RYR3: variants seen among roughly 807,000 people sequenced by gnomAD.
RYR3 encodes brain ryanodine receptor-calcium release channel.
A neutral mutation model predicts 584.3 loss-of-function variants in RYR3; 207 were observed. The ratio of observed to expected loss-of-function variants is 0.35; its 90% confidence interval spans 0.32 to 0.40. The LOEUF is 0.40. Ranked by LOEUF, RYR3 falls within the 10% of genes least tolerant of loss-of-function variation. The probability of loss-of-function intolerance (pLI) is 1.00; values close to 1 mark genes in which losing one functional copy is unlikely to be tolerated. For missense variants in RYR3, 5,616 were observed against 6,089.2 expected (o/e 0.92, Z 2.59); for synonymous variants, 2,416 against 2,248.5 (o/e 1.07, Z -2.11).
intron 2 of RYR3, among the ~76,000 whole-genome samples, chr15:33,490,862 C>T (rs892543573): frequency 3.9e-5 from 6 of 151,970 alleles, no homozygotes; most frequent in East Asian, 1.9e-4. Flanking sequence ...TTGCTCACTA[C>T]TCAATTTCCT....
At chr15:33,484,634 C>CAG (rs67358459) in intron 2 of RYR3, among the ~76,000 whole-genome samples, 67,298 of 151,610 alleles carry the variant, frequency 0.44, 15,709 homozygotes, top group Non-Finnish European at 0.52. Flanking sequence ...GTATGGGTAA[C>CAG]AATTCATGGA....
chr15:33,826,964 A>G (rs1274077430), intron 84 of RYR3, among the ~76,000 whole-genome samples: 1 of 152,214 alleles, frequency 6.6e-6, no homozygotes, highest in South Asian at 2.1e-4. Flanking sequence ...AGAAATCTAA[A>G]TACCCAGCCC....
intron 1 of RYR3, among the ~76,000 whole-genome samples, chr15:33,388,219 T>A (rs2041759787): frequency 6.6e-6 from 1 of 152,184 alleles, no homozygotes; most frequent in South Asian, 2.1e-4. Flanking sequence ...AAACTTTAAG[T>A]TTTTGAGTGA....
chr15:33,717,314 A>C (rs1114989), intron 43 of RYR3, among the ~76,000 whole-genome samples: 25,918 of 152,074 alleles, frequency 0.17, 2,493 homozygotes, highest in Admixed American at 0.27. Flanking sequence ...AATTTTGTAC[A>C]TCTTAAAGCT....
chr15:33,763,454 A>G (rs1047350335), intron 60 of RYR3, among the ~76,000 whole-genome samples: 3 of 152,182 alleles, frequency 2.0e-5, no homozygotes, highest in Non-Finnish European at 2.9e-5. Context: ...ACGGGGGTGA[A>G]GGATATGAAC....
chr15:33,639,556 C>T (rs1434470430), intron 27 of RYR3, among the ~76,000 whole-genome samples: 1 of 152,252 alleles, frequency 6.6e-6, no homozygotes. Flanking sequence ...TAGCGCCTAC[C>T]TCCCCCCACC....
At chr15:33,376,616 A>T (rs1310889498) in intron 1 of RYR3, among the ~76,000 whole-genome samples, 2 of 152,202 alleles carry the variant, frequency 1.3e-5, no homozygotes, top group African/African-American at 4.8e-5. Flanking sequence ...TTGCGACTAT[A>T]ACAGCCAACA....
At chr15:33,564,624 G>T (rs944550055) in intron 11 of RYR3, among the ~76,000 whole-genome samples, 1 of 152,088 alleles carries the variant, frequency 6.6e-6, no homozygotes, top group African/African-American at 2.4e-5. Flanking sequence ...CTAAGGCAAT[G>T]GCAGCATTTA....
In RYR3 at chr15:33,580,132, T is replaced by C. The variant is rs746963664; in HGVS notation, c.1425T>C (p.Leu475=). 1 of 1,605,606 alleles carries C rather than the reference T, an allele frequency of 6.2e-7. No individual in the cohort carries two copies. The highest frequency in any genetic ancestry group is 1.1e-5 in the South Asian group (1 of 89,628). Reference sequence around the variant, plus strand: ...GCTCACTCAAAAACAGACAAAATCTTTTCAAGGAAGAGGTAAGTCGAAAAA... The same window carrying C: ...GCTCACTCAAAAACAGACAAAATCTCTTCAAGGAAGAGGTAAGTCGAAAAA... ...KLRSLKNRQN[L]FKEEGMLALV... Residue 475 remains leucine, a synonymous_variant, in exon 13 of 104, where the codon CTT becomes CTC. Transcript: ENST00000634891.
intron 3 of RYR3, among the ~76,000 whole-genome samples, chr15:33,508,452 A>G (rs1178367112): frequency 1.3e-5 from 2 of 152,062 alleles, no homozygotes; most frequent in Non-Finnish European, 2.9e-5. Context: ...GATCGAGACC[A>G]TCCTGGCTAA....
chr15:33,525,652 G>A (rs749142129), intron 3 of RYR3, among the ~76,000 whole-genome samples: 6 of 152,136 alleles, frequency 3.9e-5, no homozygotes, highest in Non-Finnish European at 7.4e-5. Context: ...ACATTTTGTG[G>A]AAATCATGAG....
chr15:33,671,819 T>C (rs1417646656), intron 38 of RYR3, among the ~76,000 whole-genome samples: 5 of 143,098 alleles, frequency 3.5e-5, no homozygotes, highest in East Asian at 2.0e-4. Context: ...TTTTTTTTTT[T>C]TTTTTTTTTT....
At chr15:33,573,121 C>G (rs1483089031) in intron 12 of RYR3, among the ~76,000 whole-genome samples, 1 of 86,576 alleles carries the variant, frequency 1.2e-5, no homozygotes, top group Admixed American at 1.5e-4. Flanking sequence ...ATTTACTGAG[C>G]TCTTTATTCA....
chr15:33,563,423 C>T (rs190109214), intron 11 of RYR3, among the ~76,000 whole-genome samples: 5 of 152,220 alleles, frequency 3.3e-5, no homozygotes, highest in African/African-American at 9.6e-5. Context: ...ATAACAAGCC[C>T]GCAGGAACCC....
chr15:33,329,894 C>T (rs1970173782), intron 1 of RYR3, among the ~76,000 whole-genome samples: 1 of 152,064 alleles, frequency 6.6e-6, no homozygotes, highest in South Asian at 2.1e-4. Context: ...AGATAGTCAT[C>T]AAAATACAGG....
At chr15:33,608,067 T>G (rs1438925960) in intron 18 of RYR3, among the ~76,000 whole-genome samples, 1 of 152,212 alleles carries the variant, frequency 6.6e-6, no homozygotes, top group Non-Finnish European at 1.5e-5. Flanking sequence ...AACTGCCTCT[T>G]AAGTGGTACA....
rs191208261 is a variant in RYR3 at position 33,460,124 on chromosome 15, C to A, written c.52-13295C>A. ...TGCTCCAGAAATTTTAATGGCAGGG[C>A]ATATGGTCAGAAGGTCAGCAGAGTG... On this transcript the variant is annotated intron_variant, in intron 1 of 103. Transcript: ENST00000634891. Among the ~76,000 whole-genome samples the A allele has an allele frequency of 7.3e-3, 1,111 of 152,202 alleles. 15 individuals carry two copies. The highest frequency in any genetic ancestry group is 9.2e-3 in the Non-Finnish European group (629 of 68,016).
chr15:33,744,679 C>T (rs1326870366), intron 52 of RYR3, among the ~76,000 whole-genome samples: 3 of 152,148 alleles, frequency 2.0e-5, no homozygotes, highest in African/African-American at 4.8e-5. Flanking sequence ...AGGAAGTAAG[C>T]GCGCTGCCGG....
intron 10 of RYR3, among the ~76,000 whole-genome samples, chr15:33,558,981 G>A (rs1246891456): frequency 1.3e-5 from 2 of 152,164 alleles, no homozygotes; most frequent in Non-Finnish European, 2.9e-5. Flanking sequence ...AATGGGCATA[G>A]GGTTGTCTAC....
Sources: allele counts gnomAD v4.1 joint callset (sites outside exome capture counted in the v4.1 genomes callset), GRCh38; gene constraint gnomAD v4.1.1; transcripts MANE v1.5; gene names NCBI Gene and HGNC (gene_info 2026-07-23, HGNC 2026-07-21).